SNRPG: variants seen among roughly 807,000 people sequenced by gnomAD.
The protein encoded by SNRPG is small nuclear ribonucleoprotein polypeptide G, also known as small nuclear ribonucleoprotein G.
A neutral mutation model predicts 13.9 loss-of-function variants in SNRPG; 3 were observed. The ratio of observed to expected loss-of-function variants is 0.22; its 90% confidence interval spans 0.10 to 0.56. The LOEUF (loss-of-function observed/expected upper bound fraction) is 0.56, where lower values mean the gene tolerates loss of function less well. Ranked by LOEUF, SNRPG falls within the 20% of genes least tolerant of loss-of-function variation. The pLI, the probability that SNRPG is intolerant of heterozygous loss-of-function variation, is 0.93. For synonymous variants in SNRPG, 29 were observed against 29.3 expected, an observed-to-expected ratio of 0.99 and a Z score of 0.03; for missense variants, 34 against 96.1, an observed-to-expected ratio of 0.35 and a Z score of 2.70.
rs771487967 is a variant in SNRPG at position 70,281,476 on chromosome 2, T to C, written c.*158A>G. ...GAAAAAACTGGAATGAGAGCTGATA[T>C]TCTATATTCAGAACATCTGAGAAAG... On this transcript the variant is annotated 3_prime_UTR_variant, in exon 4 of 4. Transcript: ENST00000272348. The C allele has an allele frequency of 1.5e-4, 67 of 434,100 alleles. No homozygotes were observed. The highest frequency in any genetic ancestry group is 8.7e-5 in the Admixed American group (2 of 23,008). The allele number at this position is 434,100 out of a possible 1,614,324, so 26.9% of individuals were successfully genotyped here. A position where few individuals can be genotyped will look rare whatever the true frequency, so the allele number is the denominator to read the frequency against.
chr2:70,287,850 C>G lies in SNRPG; in HGVS notation c.180+218G>C, dbSNP rs189113881. ...CAAAAAGGATTTCCAACAGCTATTTCAAGCGCTAGGACCTTAGGTTCTGTA... is the reference window on the plus strand; with the variant it reads ...CAAAAAGGATTTCCAACAGCTATTTGAAGCGCTAGGACCTTAGGTTCTGTA... On this transcript the variant is annotated intron_variant, in intron 3 of 3. Coordinates refer to ENST00000272348, the MANE Select transcript of SNRPG (RefSeq NM_003096.4). The G allele has an allele frequency of 7.2e-6, 4 of 553,870 alleles. No individual in the cohort carries two copies. The East Asian group carries it at 1.2e-4, about 17-fold the overall frequency. 34.3% of individuals were successfully genotyped at this position (553,870 alleles called of 1,614,324 possible).
chr2:70,282,824 T>C (rs572138125), intron 3 of SNRPG, among the ~76,000 whole-genome samples: 3 of 152,200 alleles, frequency 2.0e-5, no homozygotes, highest in African/African-American at 7.2e-5. Flanking sequence ...GGGGGTGTGG[T>C]GGCTCACGCC....
At chr2:70,291,978 C>T (rs865871569) in intron 1 of SNRPG, among the ~76,000 whole-genome samples, 9 of 140,948 alleles carry the variant, frequency 6.4e-5, no homozygotes, top group Middle Eastern at 5.3e-3. Flanking sequence ...GACGGAGTCT[C>T]GCTCTGTTGC....
At chr2:70,292,369 C>G (rs543686128) in intron 1 of SNRPG, among the ~76,000 whole-genome samples, 6 of 151,458 alleles carry the variant, frequency 4.0e-5, no homozygotes, top group African/African-American at 1.5e-4. Flanking sequence ...TTTTTTGAAA[C>G]AGAGTTTCGG....
chr2:70,290,714 G>C (rs573761961), intron 1 of SNRPG, among the ~76,000 whole-genome samples: 7 of 150,864 alleles, frequency 4.6e-5, no homozygotes, highest in Non-Finnish European at 1.5e-5. Context: ...GGCTGGGCGC[G>C]GTGGCTCATG....
intron 3 of SNRPG, chr2:70,287,452 G>C: frequency 1.5e-6 from 1 of 647,642 alleles, no homozygotes; most frequent in Non-Finnish European, 2.8e-6. Context: ...CCCAATGAAT[G>C]TAGGAATGTT....
chr2:70,287,940 T>TA, intron 3 of SNRPG, 128 bp downstream of exon 3: 1 of 839,290 alleles, frequency 1.2e-6, no homozygotes, highest in East Asian at 2.5e-5. Flanking sequence ...CGTATGCAAC[T>TA]AAAAAGGAGA....
In SNRPG at chr2:70,284,722, AAC is replaced by A. The variant is rs577717661; in HGVS notation, c.181-3040_181-3039del. Reference sequence around the variant, plus strand: ...TTAAATTCTCAATTTTTTTTTTGGCAACAGATATTGAACATCACATCTCATTG... The same window carrying A: ...TTAAATTCTCAATTTTTTTTTTGGCAAGATATTGAACATCACATCTCATTG... On this transcript the variant is annotated intron_variant, in intron 3 of 3. Coordinates refer to ENST00000272348, the MANE Select transcript of SNRPG (RefSeq NM_003096.4). 6.6e-5 allele frequency among the ~76,000 whole-genome samples: 10 copies of A among 152,056 alleles called. No individual in the cohort carries two copies. The South Asian group carries it at 1.9e-3, about 28-fold the overall frequency.
chr2:70,288,944 T>C (rs1346472844), intron 2 of SNRPG, among the ~76,000 whole-genome samples: 2 of 152,184 alleles, frequency 1.3e-5, no homozygotes, highest in Non-Finnish European at 2.9e-5. Context: ...TTAGAGGTCC[T>C]GTGTGCTTTA....
In SNRPG at chr2:70,288,052, T is replaced by C. The variant is rs1278191876; in HGVS notation, c.180+16A>G. The C allele has an allele frequency of 1.2e-6, 2 of 1,610,432 alleles. No individual in the cohort carries two copies. Among genetic ancestry groups the C allele is most frequent in the Non-Finnish European group, 1.7e-6 (2 of 1,178,442 alleles). ...AAAAATGAAATCTCCAAGAGAACTC[T>C]TGTATCTTTACTTACCACCATTCCA... On this transcript the variant is annotated intron_variant, in intron 3 of 3. Coordinates refer to ENST00000272348, the MANE Select transcript of SNRPG (RefSeq NM_003096.4).
chr2:70,292,496 C>G (rs930459413), intron 1 of SNRPG, among the ~76,000 whole-genome samples: 1 of 152,124 alleles, frequency 6.6e-6, no homozygotes, highest in African/African-American at 2.4e-5. Flanking sequence ...TACAGGCGCA[C>G]ACCACCTGCC....
chr2:70,293,004 G>C, intron 1 of SNRPG: 1 of 613,936 alleles, frequency 1.6e-6, no homozygotes, highest in South Asian at 1.9e-5. Flanking sequence ...TCTCTGACTA[G>C]AAAAAATTAA....
intron 1 of SNRPG, among the ~76,000 whole-genome samples, chr2:70,291,014 A>AC (rs1697077112): frequency 7.5e-6 from 1 of 133,584 alleles, no homozygotes; most frequent in African/African-American, 2.8e-5. Context: ...TCCATCTCAA[A>AC]ACACACACAC....
At chr2:70,286,013 T>G (rs1203539333) in intron 3 of SNRPG, among the ~76,000 whole-genome samples, 2 of 152,132 alleles carry the variant, frequency 1.3e-5, no homozygotes, top group Non-Finnish European at 2.9e-5. Flanking sequence ...TAGTGTGATC[T>G]CAGCTCACTG....
chr2:70,292,937 T>TTTG, intron 1 of SNRPG: 2 of 571,826 alleles, frequency 3.5e-6, no homozygotes, highest in Non-Finnish European at 6.2e-6. Flanking sequence ...AAGGCTCTCC[T>TTTG]ACTTAAAGTT....
Position 70,293,658 on chromosome 2 carries a change from C to G in SNRPG, c.-9G>C. 1 of 1,614,010 alleles carries G rather than the reference C, an allele frequency of 6.2e-7. No individual in the cohort carries two copies. The highest frequency in any genetic ancestry group is 8.5e-7 in the Non-Finnish European group (1 of 1,179,852). On this transcript the variant is annotated 5_prime_UTR_variant, in exon 1 of 4. Coordinates refer to ENST00000272348, the MANE Select transcript of SNRPG (RefSeq NM_003096.4). ...GGGTGAGCTTTGCTCATGGTGTATACTCCGCGGGCTCACAGATGCCTTGGA... is the reference window on the plus strand; with the variant it reads ...GGGTGAGCTTTGCTCATGGTGTATAGTCCGCGGGCTCACAGATGCCTTGGA...
chr2:70,287,359 T>A, intron 3 of SNRPG: 1 of 702,812 alleles, frequency 1.4e-6, no homozygotes, highest in Non-Finnish European at 2.6e-6. Context: ...ACCGCTTTAT[T>A]AGGTATGTTG....
At chr2:70,283,096 CAAAAAAAAAAAA>C (rs57862220) in intron 3 of SNRPG, among the ~76,000 whole-genome samples, 8 of 14,044 alleles carry the variant, frequency 5.7e-4, no homozygotes, top group South Asian at 5.1e-3. Context: ...TGTCTTTTGT[CAAAAAAAAAAAA>C]AAAAAAAAAA....
In SNRPG at chr2:70,288,174, C is replaced by G; in HGVS notation, c.74G>C (p.Arg25Thr). 1 of 1,612,528 alleles carries G rather than the reference C, an allele frequency of 6.2e-7. No homozygotes were observed. Among genetic ancestry groups the G allele is most frequent in the Non-Finnish European group, 8.5e-7 (1 of 1,178,718 alleles). ...TCCCCGCAATATTCCTTGGACATGT[C>G]TGCCACCATTTAATTTCACTATTAA... Reference protein sequence around the residue: ...KKLSLKLNGGRHVQGILRGFD... With the variant: ...KKLSLKLNGGTHVQGILRGFD... Residue 25 changes from arginine (R) to threonine (T), a missense_variant, in exon 3 of 4, where the codon AGA (arginine) becomes ACA (threonine). Transcript: ENST00000272348.
Sources: allele counts gnomAD v4.1 joint callset (sites outside exome capture counted in the v4.1 genomes callset), GRCh38; gene constraint gnomAD v4.1.1; transcripts MANE v1.5; gene names NCBI Gene and HGNC (gene_info 2026-07-23, HGNC 2026-07-21).